The following DNAH11 variants were observed in gnomAD, a reference collection of about 807,000 sequenced individuals.
The protein encoded by DNAH11 is axonemal beta dynein heavy chain 11.
DNAH11 carries 442 observed loss-of-function variants against 526.0 expected under a neutral mutation model. The observed-to-expected ratio is 0.84, with a 90% confidence interval of 0.78 to 0.91. The LOEUF is 0.91. Among genes scored for constraint, DNAH11 ranks in the 40% least tolerant of loss-of-function variants. The pLI is 0.00. For missense variants in DNAH11, 6,989 were observed against 5,448.7 expected, an observed-to-expected ratio of 1.28 and a Z score of -8.90; for synonymous variants, 2,461 against 1,935.9, an observed-to-expected ratio of 1.27 and a Z score of -7.12.
At chr7:21,864,429 G>A (rs1783191457) in intron 69 of DNAH11, 106 bp from the exon 70 acceptor site, 1 of 1,086,958 alleles carries the variant, frequency 9.2e-7, no homozygotes, top group South Asian at 1.9e-5. Flanking sequence ...TTCCCAGCAG[G>A]TATGGTTCTG....
At chr7:21,578,813 G>A (rs901405913) in intron 8 of DNAH11, among the ~76,000 whole-genome samples, 2 of 152,014 alleles carry the variant, frequency 1.3e-5, no homozygotes, top group African/African-American at 4.8e-5. Context: ...CCTACCCAAC[G>A]TCTCCACTGA....
intron 16 of DNAH11, 21 bp from the exon 17 acceptor site, chr7:21,600,989 T>C: frequency 6.2e-7 from 1 of 1,610,348 alleles, no homozygotes. Flanking sequence ...GTTGTTCTAA[T>C]TAATCTTTTT....
intron 20 of DNAH11, among the ~76,000 whole-genome samples, chr7:21,614,118 C>T (rs1583529733): frequency 1.3e-5 from 2 of 152,150 alleles, no homozygotes; most frequent in East Asian, 1.9e-4. Context: ...TAAATATATA[C>T]AATTTTTATT....
chr7:21,837,602 T>A (rs560276282), intron 65 of DNAH11, among the ~76,000 whole-genome samples: 6 of 152,228 alleles, frequency 3.9e-5, no homozygotes, highest in African/African-American at 9.6e-5. Context: ...GAGAGATTGG[T>A]CAATGGTTAC....
chr7:21,569,536 G>A lies in DNAH11; in HGVS notation c.1195-533G>A, dbSNP rs551803047. 4.0e-4 allele frequency among the ~76,000 whole-genome samples: 61 copies of A among 152,156 alleles called. No individual in the cohort carries two copies. The South Asian group carries it at 6.9e-3, about 17-fold the overall frequency. On this transcript the variant is annotated intron_variant, in intron 6 of 81. Coordinates refer to ENST00000409508, the MANE Select transcript of DNAH11 (RefSeq NM_001277115.2). ...TTCAAAACTAGTTCATGTGGCACAC[G>A]TCAGCCAGTTTGTATGTCCTATAAT...
chr7:21,860,740 G>T (rs77719715), intron 68 of DNAH11, among the ~76,000 whole-genome samples: 1 of 152,178 alleles, frequency 6.6e-6, no homozygotes, highest in Non-Finnish European at 1.5e-5. Flanking sequence ...TGTTTTCACA[G>T]TGCTGATAAA....
intron 53 of DNAH11, 43 bp downstream of exon 53, chr7:21,749,844 C>A (rs772940120): frequency 1.9e-6 from 3 of 1,609,360 alleles, no homozygotes; most frequent in Admixed American, 3.3e-5. Context: ...TCCCCAATGA[C>A]AAATTATCTG....
At chr7:21,721,420 C>T (rs6976078) in intron 44 of DNAH11, among the ~76,000 whole-genome samples, 88,860 of 151,940 alleles carry the variant, frequency 0.58, 28,342 homozygotes, top group African/African-American at 0.83. Flanking sequence ...GTTATCATAG[C>T]GTCTTAGTAG....
chr7:21,852,484 C>T lies in DNAH11; in HGVS notation c.10914C>T (p.His3638=). The change falls in exon 67 of 82, where the codon CAC becomes CAT. Residue 3638 remains histidine, a synonymous_variant. Transcript: ENST00000409508. ...LEKLKLVLTK[H]QNDFKIELKY... is the part of the protein sequence containing the mutation. ...TTTATTAGTTGGTATTGACAAAGCACCAAAATGATTTTAAAATTGAGCTCA... is the reference window on the plus strand; with the variant it reads ...TTTATTAGTTGGTATTGACAAAGCATCAAAATGATTTTAAAATTGAGCTCA... 1 of 1,613,180 alleles carries T rather than the reference C, an allele frequency of 6.2e-7. No individual in the cohort carries two copies. Among genetic ancestry groups the T allele is most frequent in the Non-Finnish European group, 8.5e-7 (1 of 1,179,618 alleles).
In DNAH11 at chr7:21,704,170, A is replaced by G. The variant is rs74542657; in HGVS notation, c.6274-264A>G. ...GCCCTTAGATTGTTTCTGAAGATCA[A>G]AACAGATCATTGGCAGGGAAGGAAA... On this transcript the variant is annotated intron_variant, in intron 37 of 81. Transcript: ENST00000409508. 0.016 allele frequency among the ~76,000 whole-genome samples: 2,448 copies of G among 152,336 alleles called. 69 individuals are homozygous for G. Among genetic ancestry groups the G allele is most frequent in the African/African-American group, 0.057 (2,356 of 41,570 alleles).
At position 21,591,273 on chromosome 7, in the gene DNAH11, A is replaced by T. The variant is rs555816395; in HGVS notation, c.2363A>T (p.Glu788Val). The change falls in exon 14 of 82, where the codon GAG becomes GTG. Residue 788 changes from glutamate to valine, a missense_variant. Coordinates refer to ENST00000409508, the MANE Select transcript of DNAH11 (RefSeq NM_001277115.2). Reference sequence around the variant, plus strand: ...GTTGAATACCCTCTGATTGAAGATGAGCTGAGGGCTATTGACGAGCAGCTG... The same window carrying T: ...GTTGAATACCCTCTGATTGAAGATGTGCTGAGGGCTATTGACGAGCAGCTG... ...LEVEYPLIED[E>V]LRAIDEQLTA... 6.2e-7 allele frequency: 1 copy of T among 1,610,020 alleles called. No homozygotes were observed. The highest frequency in any genetic ancestry group is 1.1e-5 in the South Asian group (1 of 90,686).
chr7:21,725,691 G>A lies in DNAH11; in HGVS notation c.7267-120G>A, dbSNP rs1785069055. The A allele has an allele frequency of 5.3e-6, 5 of 940,100 alleles. No individual in the cohort carries two copies. In the South Asian group the frequency reaches 6.5e-5, roughly 12 times the overall value. 58.2% of individuals were successfully genotyped at this position (940,100 alleles called of 1,614,324 possible). A position where few individuals can be genotyped will look rare whatever the true frequency, so the allele number is the denominator to read the frequency against. On this transcript the variant is annotated intron_variant, in intron 44 of 81. Transcript: ENST00000409508. ...TAATTATTTCACAAAATTTGTGCTT[G>A]ATGGGTATATGGCAATTTTAGGTTT...
intron 29 of DNAH11, among the ~76,000 whole-genome samples, chr7:21,657,428 C>A (rs1782061484): frequency 6.6e-6 from 1 of 152,150 alleles, no homozygotes; most frequent in Non-Finnish European, 1.5e-5. Flanking sequence ...CCAGCAAGCA[C>A]CTCATCAGAG....
intron 61 of DNAH11, among the ~76,000 whole-genome samples, chr7:21,793,615 CAAAA>C (rs35648252): frequency 9.4e-6 from 1 of 106,160 alleles, no homozygotes; most frequent in African/African-American, 3.4e-5. Flanking sequence ...GACTCTGTCT[CAAAA>C]AAAAAAAAAA....
Position 21,852,141 on chromosome 7 carries a change from A to G in DNAH11, c.10897-326A>G, listed in dbSNP as rs1250467202. 2.0e-5 allele frequency among the ~76,000 whole-genome samples: 3 copies of G among 152,204 alleles called. No homozygotes were observed. In the East Asian group the frequency reaches 5.8e-4, roughly 29 times the overall value. On this transcript the variant is annotated intron_variant, in intron 66 of 81. Coordinates refer to ENST00000409508, the MANE Select transcript of DNAH11 (RefSeq NM_001277115.2). ...TTTACTTGTCCAGGCGCAGTGGCTC[A>G]CGCCTGTAATGGCAGCACTTTGGGA...
intron 77 of DNAH11, among the ~76,000 whole-genome samples, chr7:21,893,613 C>G (rs1784405137): frequency 6.6e-6 from 1 of 152,206 alleles, no homozygotes; most frequent in Non-Finnish European, 1.5e-5. Flanking sequence ...TCCATCTTTT[C>G]TCCTTTCTAG....
intron 30 of DNAH11, among the ~76,000 whole-genome samples, chr7:21,675,819 G>A (rs1782856990): frequency 6.6e-6 from 1 of 152,094 alleles, no homozygotes; most frequent in Admixed American, 6.6e-5. Context: ...AGAAATACAT[G>A]ATTGATAGGA....
At chr7:21,620,808 TG>T (rs1332559867) in intron 25 of DNAH11, among the ~76,000 whole-genome samples, 1 of 146,342 alleles carries the variant, frequency 6.8e-6, no homozygotes, top group African/African-American at 2.5e-5. Context: ...AGTGAGAATA[TG>T]CGGTGTTTGG....
chr7:21,594,063 T>TACACACACACACACACAC lies in DNAH11; in HGVS notation c.2667+2505_2667+2522dup, dbSNP rs59727118. 1.9e-4 allele frequency among the ~76,000 whole-genome samples: 26 copies of TACACACACACACACACAC among 137,614 alleles called. No homozygotes were observed. In the South Asian group the frequency reaches 2.6e-3, roughly 14 times the overall value. The allele number at this position is 137,614 out of a possible 152,430, so 90.3% of individuals were successfully genotyped here. A position where few individuals can be genotyped will look rare whatever the true frequency, so the allele number is the denominator to read the frequency against. Reference sequence around the variant, plus strand: ...TCATGCACACTCTTTCATACACACATACACACACACACACACACACACACA... The same window carrying TACACACACACACACACAC: ...TCATGCACACTCTTTCATACACACATACACACACACACACACACACACACACACACACACACACACACA... On this transcript the variant is annotated intron_variant, in intron 14 of 81. Coordinates refer to ENST00000409508, the MANE Select transcript of DNAH11 (RefSeq NM_001277115.2).
Sources: allele counts gnomAD v4.1 joint callset (sites outside exome capture counted in the v4.1 genomes callset), GRCh38; gene constraint gnomAD v4.1.1; transcripts MANE v1.5; gene names NCBI Gene and HGNC (gene_info 2026-07-23, HGNC 2026-07-21).